Variants in SH3BP4 observed in about 807,000 individuals in gnomAD.
The protein encoded by SH3BP4 is SH3 domain binding protein 4, also known as SH3 domain-binding protein 4.
Under a neutral mutation model 65.5 loss-of-function variants are expected in SH3BP4, and 33 were observed. The observed-to-expected ratio is 0.50, with a 90% CI of 0.38 to 0.67. The LOEUF (loss-of-function observed/expected upper bound fraction) is 0.67. SH3BP4 is among the 30% of genes least tolerant of loss of function. The pLI is 0.00. For missense variants in SH3BP4, 1,134 were observed against 1,261.4 expected (o/e 0.90, Z 1.53); for synonymous variants, 552 against 545.5 (o/e 1.01, Z -0.17).
chr2:234,985,482 G>A (rs917765189), intron 1 of SH3BP4, among the ~76,000 whole-genome samples: 1 of 151,870 alleles, frequency 6.6e-6, no homozygotes, highest in African/African-American at 2.4e-5. Context: ...GTGCACAGCT[G>A]TTTTTGACAC....
At chr2:235,002,180 C>T (rs982258835) in intron 2 of SH3BP4, among the ~76,000 whole-genome samples, 43 of 152,124 alleles carry the variant, frequency 2.8e-4, no homozygotes, top group Admixed American at 1.8e-3. Flanking sequence ...CATTTTTAAA[C>T]GATGCAATTC....
At chr2:235,025,894 A>G (rs2106314924) in intron 2 of SH3BP4, among the ~76,000 whole-genome samples, 1 of 152,318 alleles carries the variant, frequency 6.6e-6, no homozygotes, top group South Asian at 2.1e-4. Context: ...GGTGGGAAGA[A>G]AGGCACAAGG....
chr2:235,041,939 T>C lies in SH3BP4; in HGVS notation c.1170T>C (p.Ser390=), dbSNP rs1695665330. The change falls in exon 4 of 6, where the codon TCT becomes TCC. Residue 390 remains serine (S), a synonymous_variant. Transcript: ENST00000392011. The surrounding 1 kb of genome is among the most constrained non-coding windows in gnomAD (Gnocchi z 6.0). ...VKLSNLEVKT[S]IILEMKVSAE... ...TGAGCAACCTGGAGGTGAAAACCTC[T>C]ATCATCTTGGAGATGAAAGTGTCAG... 1 of 1,613,628 alleles carries C rather than the reference T, an allele frequency of 6.2e-7. No individual in the cohort carries two copies. The highest frequency in any genetic ancestry group is 1.1e-5 in the South Asian group (1 of 91,072).
chr2:235,015,036 A>G (rs1290251086), intron 2 of SH3BP4, among the ~76,000 whole-genome samples: 1 of 152,234 alleles, frequency 6.6e-6, no homozygotes, highest in Non-Finnish European at 1.5e-5. Flanking sequence ...TAAATGGCTC[A>G]AACAAATGCA....
At chr2:235,021,243 C>A (rs1429261427) in intron 2 of SH3BP4, among the ~76,000 whole-genome samples, 3 of 152,040 alleles carry the variant, frequency 2.0e-5, no homozygotes, top group Non-Finnish European at 4.4e-5. Context: ...TAAAGCAGTA[C>A]CCAGGAAATC....
At position 235,052,755 on chromosome 2, in the gene SH3BP4, G is replaced by A. The variant is rs752195216; in HGVS notation, c.2667+5G>A. ...AACGGGGTTGTGGACAGCGAGGTGAGCAGCGGCTGAGCTTCGAGCTCACCG... is the reference window on the plus strand; with the variant it reads ...AACGGGGTTGTGGACAGCGAGGTGAACAGCGGCTGAGCTTCGAGCTCACCG... On this transcript the variant is annotated splice_donor_5th_base_variant and intron_variant, in intron 5 of 5. Transcript: ENST00000392011. This position sits in a 1 kb window ranked among gnomAD's most constrained non-coding sequence, Gnocchi z 5.0. 7.0e-6 allele frequency: 11 copies of A among 1,577,060 alleles called. No homozygotes were observed. Among genetic ancestry groups the A allele is most frequent in the African/African-American group, 2.7e-5 (2 of 73,996 alleles).
In SH3BP4 at chr2:235,054,307, T is replaced by G. The variant is rs1204064060; in HGVS notation, c.*491T>G. 1 of 155,864 alleles carries G rather than the reference T, an allele frequency of 6.4e-6. No individual in the cohort carries two copies. Among genetic ancestry groups the G allele is most frequent in the Non-Finnish European group, 1.4e-5 (1 of 70,058 alleles). 9.7% of individuals were successfully genotyped at this position (155,864 alleles called of 1,614,324 possible). On this transcript the variant is annotated 3_prime_UTR_variant, in exon 6 of 6. Transcript: ENST00000392011. Reference sequence around the variant, plus strand: ...CCCGGAAAGATGCTCGTTCGGTTGTTGGACCTCTTTCACTCCCTGCGTGTA... The same window carrying G: ...CCCGGAAAGATGCTCGTTCGGTTGTGGGACCTCTTTCACTCCCTGCGTGTA...
intron 1 of SH3BP4, among the ~76,000 whole-genome samples, chr2:234,987,900 C>T (rs1421497596): frequency 6.6e-6 from 1 of 152,158 alleles, no homozygotes; most frequent in East Asian, 1.9e-4. Flanking sequence ...TGGGTTTGGC[C>T]ATGGTGTCTC....
intron 2 of SH3BP4, among the ~76,000 whole-genome samples, chr2:235,007,808 C>T (rs958230267): frequency 2.6e-5 from 4 of 152,152 alleles, no homozygotes; most frequent in Admixed American, 6.5e-5. Flanking sequence ...GGTAGAGACA[C>T]GGTTTGGCCA....
At position 235,028,334 on chromosome 2, in the gene SH3BP4, C is replaced by T. The variant is rs80277576; in HGVS notation, c.-132-6537C>T. On this transcript the variant is annotated intron_variant, in intron 2 of 5. Transcript: ENST00000392011. Reference sequence around the variant, plus strand: ...TGACCACTGGGACCTGCTGAGTAGACGGTGGTCAAGCTTGTTGGGCTGTCC... The same window carrying T: ...TGACCACTGGGACCTGCTGAGTAGATGGTGGTCAAGCTTGTTGGGCTGTCC... Among the ~76,000 whole-genome samples the T allele has an allele frequency of 3.7e-3, 565 of 152,260 alleles. 2 individuals are homozygous for T. The highest frequency in any genetic ancestry group is 0.013 in the African/African-American group (545 of 41,540).
chr2:235,000,172 C>G (rs545622391), intron 2 of SH3BP4, among the ~76,000 whole-genome samples: 2 of 152,328 alleles, frequency 1.3e-5, no homozygotes, highest in Admixed American at 6.5e-5. Flanking sequence ...CACTTATCCT[C>G]GGCTGGGCTT....
At chr2:235,032,197 G>A (rs541620294) in intron 2 of SH3BP4, among the ~76,000 whole-genome samples, 2 of 152,256 alleles carry the variant, frequency 1.3e-5, no homozygotes, top group South Asian at 2.1e-4. Flanking sequence ...GGTGGGGGTG[G>A]GAGCACCCCA....
intron 3 of SH3BP4, among the ~76,000 whole-genome samples, chr2:235,038,399 ATATATAT>A (rs1420183766): frequency 1.2e-5 from 1 of 82,626 alleles, no homozygotes; most frequent in African/African-American, 5.2e-5. Context: ...ATATATATAT[ATATATAT>A]ATATATATAT....
intron 4 of SH3BP4, among the ~76,000 whole-genome samples, chr2:235,044,071 A>G (rs1322137087): frequency 1.3e-5 from 2 of 152,228 alleles, no homozygotes; most frequent in African/African-American, 4.8e-5. Context: ...AGGGTCTCTG[A>G]CTCCAGAGTC....
At chr2:234,987,578 G>A (rs776702568) in intron 1 of SH3BP4, among the ~76,000 whole-genome samples, 10 of 152,258 alleles carry the variant, frequency 6.6e-5, no homozygotes, top group Non-Finnish European at 1.2e-4. Flanking sequence ...CAACATGGGC[G>A]GCTCATGGTG....
intron 2 of SH3BP4, among the ~76,000 whole-genome samples, chr2:235,003,837 C>T (rs564846502): frequency 6.6e-6 from 1 of 152,350 alleles, no homozygotes; most frequent in South Asian, 2.1e-4. Flanking sequence ...CCCCTGTCCT[C>T]ACCTCGGTGT....
chr2:234,971,620 G>A (rs1408017970), intron 1 of SH3BP4, among the ~76,000 whole-genome samples: 1 of 152,068 alleles, frequency 6.6e-6, no homozygotes, highest in Non-Finnish European at 1.5e-5. Flanking sequence ...AGTGTACAAG[G>A]GTTCCGGTTC....
intron 1 of SH3BP4, among the ~76,000 whole-genome samples, chr2:234,988,350 C>T (rs184655230): frequency 0.019 from 2,833 of 152,322 alleles, 78 homozygotes; most frequent in African/African-American, 0.063. Context: ...TGAGCCACCA[C>T]ACCCGGCCCG....
At chr2:235,032,567 A>T (rs752292646) in intron 2 of SH3BP4, among the ~76,000 whole-genome samples, 11 of 152,318 alleles carry the variant, frequency 7.2e-5, no homozygotes, top group Admixed American at 2.6e-4. Flanking sequence ...GGGCTTGCAC[A>T]CGTGGCCCTT....
Sources: gnomAD v4.1 joint callset for allele counts (sites outside exome capture counted in the v4.1 genomes callset) on GRCh38, gnomAD v4.1.1 for gene constraint, Gnocchi (gnomAD v3.1) non-coding constraint, MANE v1.5 for transcripts, NCBI Gene and HGNC (gene_info 2026-07-23, HGNC 2026-07-21) for gene names.